The following NAA11 variants were observed in gnomAD, a reference collection of about 807,000 sequenced individuals.
NAA11 encodes N-alpha-acetyltransferase 11, NatA catalytic subunit, also known as N-alpha-acetyltransferase 11.
A neutral mutation model predicts 16.1 loss-of-function variants in NAA11; 15 were observed. The ratio of observed to expected loss-of-function variants is 0.93; its 90% CI spans 0.62 to 1.44. The LOEUF is 1.44. NAA11 is among the 40% of genes most tolerant of loss of function. The pLI, the probability that NAA11 is intolerant of heterozygous loss-of-function variation, is 0.00. For synonymous variants in NAA11, 122 were observed against 112.4 expected (o/e 1.09, Z -0.54); for missense variants, 298 against 291.3 (o/e 1.02, Z -0.17).
intron 2 of NAA11, among the ~76,000 whole-genome samples, chr4:79,234,176 C>G (rs141241642): frequency 1.3e-5 from 2 of 152,082 alleles, no homozygotes; most frequent in African/African-American, 4.8e-5. Flanking sequence ...AAAATCTTCC[C>G]TGCCTAAAAT....
At chr4:79,204,387 T>A in the NAA11 span, among the ~76,000 whole-genome samples, 1 of 151,758 alleles carries the variant, frequency 6.6e-6, no homozygotes, top group East Asian at 1.9e-4. Context: ...TAGCGAAAAA[T>A]CAGGTTACTA....
chr4:79,234,412 C>T (rs1222077761), intron 2 of NAA11, among the ~76,000 whole-genome samples: 2 of 152,040 alleles, frequency 1.3e-5, no homozygotes, highest in African/African-American at 4.8e-5. Context: ...ACCCTAATTC[C>T]AGGATGAATG....
At chr4:79,314,206 C>T (rs1005821297), downstream of NAA11, among the ~76,000 whole-genome samples, 3 of 152,068 alleles carry the variant, frequency 2.0e-5, no homozygotes, top group Non-Finnish European at 4.4e-5. Context: ...ACAGTTTTTA[C>T]AGAAAGTTGA....
chr4:79,214,429 G>T, the NAA11 span, among the ~76,000 whole-genome samples: 1 of 152,130 alleles, frequency 6.6e-6, no homozygotes, highest in Non-Finnish European at 1.5e-5. Flanking sequence ...GGCCTAATAA[G>T]AGGTGATTAG....
intron 2 of NAA11, among the ~76,000 whole-genome samples, chr4:79,271,939 G>A (rs1450206098): frequency 2.0e-5 from 3 of 151,678 alleles, no homozygotes; most frequent in African/African-American, 7.3e-5. Flanking sequence ...CTAAATGAAT[G>A]CCATGAACTT....
At chr4:79,160,469 C>T in the NAA11 span, among the ~76,000 whole-genome samples, 171 of 152,312 alleles carry the variant, frequency 1.1e-3, no homozygotes, top group African/African-American at 3.9e-3. Flanking sequence ...GCACCATTTT[C>T]CACCGCCAGT....
intron 2 of NAA11, among the ~76,000 whole-genome samples, chr4:79,250,270 C>T (rs1721962889): frequency 2.0e-5 from 3 of 152,224 alleles, no homozygotes; most frequent in Non-Finnish European, 4.4e-5. Context: ...GGAGATCTGT[C>T]CATTCCCATA....
chr4:79,162,201 C>T, the NAA11 span, among the ~76,000 whole-genome samples: 1 of 152,074 alleles, frequency 6.6e-6, no homozygotes. Context: ...CTGAACTTGG[C>T]CCCTGTAATT....
intron 2 of NAA11, among the ~76,000 whole-genome samples, chr4:79,285,616 T>A (rs1443541344): frequency 6.6e-6 from 1 of 152,068 alleles, no homozygotes; most frequent in African/African-American, 2.4e-5. Flanking sequence ...TTTATCATAA[T>A]GGCATAATTT....
chr4:79,196,331 A>G, the NAA11 span, among the ~76,000 whole-genome samples: 18,306 of 151,962 alleles, frequency 0.12, 1,337 homozygotes, highest in African/African-American at 0.19. Flanking sequence ...ACCCTCCTCC[A>G]TGTTTCCATA....
chr4:79,157,348 T>C, the NAA11 span, among the ~76,000 whole-genome samples: 1 of 152,108 alleles, frequency 6.6e-6, no homozygotes, highest in African/African-American at 2.4e-5. Context: ...TGAGAACATA[T>C]AATGTTTGGT....
intron 2 of NAA11, among the ~76,000 whole-genome samples, chr4:79,262,689 G>A (rs1722266815): frequency 6.6e-6 from 1 of 152,052 alleles, no homozygotes; most frequent in Non-Finnish European, 1.5e-5. Flanking sequence ...TATGAGTACT[G>A]CCTAATTATG....
intron 1 of NAA11, among the ~76,000 whole-genome samples, chr4:79,318,546 G>A (rs1276012247): frequency 2.0e-5 from 3 of 152,142 alleles, no homozygotes; most frequent in Non-Finnish European, 4.4e-5. Context: ...ATTATGCACA[G>A]AGCAGTTAAA....
At chr4:79,157,542 T>C in the NAA11 span, among the ~76,000 whole-genome samples, 1 of 151,800 alleles carries the variant, frequency 6.6e-6, no homozygotes, top group Non-Finnish European at 1.5e-5. Context: ...CATGTATATA[T>C]ACACATGTAC....
the NAA11 span, among the ~76,000 whole-genome samples, chr4:79,182,347 T>A: frequency 6.6e-6 from 1 of 152,220 alleles, no homozygotes; most frequent in South Asian, 2.1e-4. Flanking sequence ...AGTCTTTTTC[T>A]GCCACCCATT....
intron 2 of NAA11, among the ~76,000 whole-genome samples, chr4:79,261,458 T>C (rs1722242766): frequency 6.6e-6 from 1 of 152,186 alleles, no homozygotes; most frequent in Admixed American, 6.5e-5. Flanking sequence ...ATCAGTGTAA[T>C]AGAAAATCTC....
At chr4:79,243,925 T>C (rs1721748628) in intron 2 of NAA11, among the ~76,000 whole-genome samples, 1 of 152,236 alleles carries the variant, frequency 6.6e-6, no homozygotes, top group Non-Finnish European at 1.5e-5. Context: ...AGGGTGGGCT[T>C]TCCGCATGTG....
chr4:79,171,262 TG>T, the NAA11 span, among the ~76,000 whole-genome samples: 1 of 152,114 alleles, frequency 6.6e-6, no homozygotes, highest in South Asian at 2.1e-4. Context: ...TTATATATTG[TG>T]GGAGTGGGTT....
the NAA11 span, among the ~76,000 whole-genome samples, chr4:79,214,457 CT>C: frequency 1.1e-4 from 17 of 152,224 alleles, no homozygotes; most frequent in Middle Eastern, 6.8e-3. Flanking sequence ...GTGGTCCCCC[CT>C]CATGACTAGA....
Sources: gnomAD v4.1 joint callset for allele counts (sites outside exome capture counted in the v4.1 genomes callset) on GRCh38, gnomAD v4.1.1 for gene constraint, MANE v1.5 for transcripts, NCBI Gene and HGNC (gene_info 2026-07-23, HGNC 2026-07-21) for gene names.